OPCML: variants seen among roughly 807,000 people sequenced by gnomAD.
OPCML encodes opioid binding protein/cell adhesion molecule like.
A neutral mutation model predicts 37.8 loss-of-function variants in OPCML; 13 were observed. That is an observed-to-expected ratio of 0.34 (90% CI 0.22 to 0.55). The LOEUF (loss-of-function observed/expected upper bound fraction) is 0.55, where lower values mean the gene tolerates loss of function less well. Among genes scored for constraint, OPCML ranks in the 20% least tolerant of loss-of-function variants. OPCML has a pLI of 0.91. For synonymous variants in OPCML, 176 were observed against 168.8 expected (o/e 1.04, Z -0.33); for missense variants, 341 against 435.6 (o/e 0.78, Z 1.93).
chr11:132,519,122 G>A (rs190208926), intron 4 of OPCML, among the ~76,000 whole-genome samples: 4 of 152,310 alleles, frequency 2.6e-5, no homozygotes, highest in African/African-American at 4.8e-5. Flanking sequence ...AGTAGAAAGT[G>A]TGGTCACCTA....
At chr11:132,641,335 C>T (rs978576845) in intron 3 of OPCML, among the ~76,000 whole-genome samples, 1 of 152,220 alleles carries the variant, frequency 6.6e-6, no homozygotes, top group Non-Finnish European at 1.5e-5. Flanking sequence ...TCCACCTCCT[C>T]TCCTTGCCCA....
intron 1 of OPCML, among the ~76,000 whole-genome samples, chr11:133,508,226 G>T (rs1449346108): frequency 2.0e-5 from 3 of 152,106 alleles, no homozygotes; most frequent in Non-Finnish European, 4.4e-5. Context: ...CAGTGGCCAG[G>T]AAAGGCTACT....
chr11:132,559,068 T>C (rs972502107), intron 3 of OPCML, among the ~76,000 whole-genome samples: 1 of 149,850 alleles, frequency 6.7e-6, no homozygotes, highest in Non-Finnish European at 1.5e-5. Context: ...GTTTGAGAAA[T>C]GGGAGAAAGA....
At chr11:132,604,784 G>A (rs1423487148) in intron 3 of OPCML, among the ~76,000 whole-genome samples, 1 of 152,130 alleles carries the variant, frequency 6.6e-6, no homozygotes, top group Non-Finnish European at 1.5e-5. Context: ...TGAATGTGGG[G>A]AAACTAACAA....
intron 2 of OPCML, among the ~76,000 whole-genome samples, chr11:132,864,919 C>G (rs757216298): frequency 6.6e-6 from 1 of 152,220 alleles, no homozygotes; most frequent in Non-Finnish European, 1.5e-5. Context: ...CGGAAATGCC[C>G]TATGAGTGAA....
chr11:133,217,844 G>T (rs1330735152), intron 1 of OPCML, among the ~76,000 whole-genome samples: 1 of 152,138 alleles, frequency 6.6e-6, no homozygotes, highest in Non-Finnish European at 1.5e-5. Flanking sequence ...CTTGAGCCCA[G>T]GGCAGCCTGG....
chr11:132,433,358 G>C (rs2096003584), intron 7 of OPCML, among the ~76,000 whole-genome samples: 1 of 152,142 alleles, frequency 6.6e-6, no homozygotes, highest in Non-Finnish European at 1.5e-5. Context: ...TTAGCCGAGT[G>C]GACTCAGGCC....
chr11:133,027,420 TAAAG>T (rs1007761636), intron 1 of OPCML, among the ~76,000 whole-genome samples: 15 of 151,862 alleles, frequency 9.9e-5, no homozygotes, highest in African/African-American at 3.4e-4. Context: ...AAAGCAAAAA[TAAAG>T]AAATAGTCAC....
At chr11:133,500,461 A>C (rs1238329744) in intron 1 of OPCML, among the ~76,000 whole-genome samples, 1 of 152,202 alleles carries the variant, frequency 6.6e-6, no homozygotes, top group Non-Finnish European at 1.5e-5. Flanking sequence ...CTCCAATGTC[A>C]TTTCACTGAC....
chr11:133,173,720 G>A lies in OPCML; in HGVS notation c.62-230710C>T, dbSNP rs1344668578. ...AGCACCGACTTAGCTTCAATCCTGT[G>A]GCAGTTTAAGAATCTCTAAGAATGC... On this transcript the variant is annotated intron_variant, in intron 1 of 7. Transcript: ENST00000524381. This position sits in a 1 kb window ranked among gnomAD's most constrained non-coding sequence, Gnocchi z 7.8. Among the ~76,000 whole-genome samples, 1 of 152,160 alleles carries A rather than the reference G, an allele frequency of 6.6e-6. No homozygotes were observed. Among genetic ancestry groups the A allele is most frequent in the Non-Finnish European group, 1.5e-5 (1 of 68,028 alleles).
chr11:133,422,807 CTT>C (rs1945920326), intron 1 of OPCML: 1 of 898,054 alleles, frequency 1.1e-6, no homozygotes, highest in African/African-American at 1.8e-5. Flanking sequence ...AAAAGAAACT[CTT>C]TTGGAATCAG....
At chr11:132,999,994 T>TGA (rs2136842868) in intron 1 of OPCML, among the ~76,000 whole-genome samples, 1 of 152,320 alleles carries the variant, frequency 6.6e-6, no homozygotes, top group Admixed American at 6.5e-5. Flanking sequence ...GACACACCGC[T>TGA]GAGCCAAATC....
chr11:132,934,363 C>T (rs1345520463), intron 2 of OPCML, among the ~76,000 whole-genome samples: 1 of 152,164 alleles, frequency 6.6e-6, no homozygotes, highest in Admixed American at 6.5e-5. Context: ...AGATTTACAG[C>T]TGTAAGGCAG....
At chr11:132,529,657 AC>A (rs1266545104) in intron 3 of OPCML, among the ~76,000 whole-genome samples, 1 of 152,082 alleles carries the variant, frequency 6.6e-6, no homozygotes, top group East Asian at 1.9e-4. Flanking sequence ...AGTATCCCAG[AC>A]CCTTTTAAAA....
chr11:133,100,536 T>C (rs1027237278), intron 1 of OPCML, among the ~76,000 whole-genome samples: 1 of 152,190 alleles, frequency 6.6e-6, no homozygotes, highest in Admixed American at 6.5e-5. Flanking sequence ...AAAACAAAGT[T>C]GGAGGACTGA....
intron 2 of OPCML, among the ~76,000 whole-genome samples, chr11:132,735,348 T>C (rs1038573246): frequency 2.0e-5 from 3 of 152,176 alleles, no homozygotes; most frequent in Non-Finnish European, 4.4e-5. Flanking sequence ...CTTAGAAGTT[T>C]AAAAGTTTGT....
chr11:133,510,215 G>A (rs544323761), intron 1 of OPCML, among the ~76,000 whole-genome samples: 8 of 152,252 alleles, frequency 5.3e-5, no homozygotes, highest in East Asian at 3.9e-4. Context: ...TTCAAGTCTC[G>A]CCATCACAGG....
intron 2 of OPCML, among the ~76,000 whole-genome samples, chr11:132,680,572 G>C: frequency 6.6e-6 from 1 of 152,342 alleles, no homozygotes; most frequent in Middle Eastern, 3.4e-3. Flanking sequence ...GTAAGAAGAT[G>C]AGTGGAAGAG....
chr11:132,827,381 T>G (rs1222852927), intron 2 of OPCML, among the ~76,000 whole-genome samples: 1 of 152,164 alleles, frequency 6.6e-6, no homozygotes, highest in Non-Finnish European at 1.5e-5. Context: ...CCTACTTGAA[T>G]GGCTAAAATT....
Sources: gnomAD v4.1 joint callset for allele counts (sites outside exome capture counted in the v4.1 genomes callset) on GRCh38, gnomAD v4.1.1 for gene constraint, Gnocchi (gnomAD v3.1) non-coding constraint, MANE v1.5 for transcripts, NCBI Gene and HGNC (gene_info 2026-07-23, HGNC 2026-07-21) for gene names.